Variants in TOM1L2 observed in about 807,000 individuals in gnomAD.
TOM1L2 encodes the protein TOM1-like protein 2.
A neutral mutation model predicts 67.9 loss-of-function variants in TOM1L2; 31 were observed. The ratio of observed to expected loss-of-function variants is 0.46; its 90% CI spans 0.34 to 0.62. The LOEUF (loss-of-function observed/expected upper bound fraction) is 0.62, where lower values mean the gene tolerates loss of function less well. TOM1L2 is among the 20% of genes least tolerant of loss of function. The pLI is 0.01. For synonymous variants in TOM1L2, 256 were observed against 254.0 expected (o/e 1.01, Z -0.07); for missense variants, 606 against 663.5 (o/e 0.91, Z 0.95).
intron 1 of TOM1L2, among the ~76,000 whole-genome samples, chr17:17,968,092 A>G (rs1251141566): frequency 2.0e-5 from 3 of 152,232 alleles, no homozygotes; most frequent in South Asian, 4.1e-4. Context: ...AGGCCCACGC[A>G]TAAGACAGAG....
rs368670982 is a variant in TOM1L2, at chr17:17,893,820, G to C, written c.217-10C>G. 1 of 1,612,660 alleles carries C rather than the reference G, an allele frequency of 6.2e-7. No individual in the cohort carries two copies. The highest frequency in any genetic ancestry group is 8.5e-7 in the Non-Finnish European group (1 of 1,179,290). On this transcript the variant is annotated splice_polypyrimidine_tract_variant and intron_variant, in intron 3 of 14. Transcript: ENST00000379504. ...CACATGTCTCCAGCACCTGATGTGGGGAGGGAAGGAAAAGGGTCACCCCAG... is the reference window on the plus strand; with the variant it reads ...CACATGTCTCCAGCACCTGATGTGGCGAGGGAAGGAAAAGGGTCACCCCAG...
chr17:17,872,299 C>G (rs781331390), intron 7 of TOM1L2, among the ~76,000 whole-genome samples: 3 of 152,268 alleles, frequency 2.0e-5, no homozygotes, highest in Non-Finnish European at 4.4e-5. Context: ...AGGATTCCAA[C>G]AGCCAGGACT....
chr17:17,880,811 T>C (rs2037683706), intron 6 of TOM1L2, among the ~76,000 whole-genome samples: 1 of 152,194 alleles, frequency 6.6e-6, no homozygotes, highest in South Asian at 2.1e-4. Context: ...ACTACACACA[T>C]ACGGCCCTTG....
chr17:17,889,897 T>G (rs536140827), intron 4 of TOM1L2, among the ~76,000 whole-genome samples: 1 of 152,278 alleles, frequency 6.6e-6, no homozygotes, highest in South Asian at 2.1e-4. Flanking sequence ...GATACCACGA[T>G]GGTGCAGAGA....
At chr17:17,963,685 A>G (rs2041777356) in intron 1 of TOM1L2, among the ~76,000 whole-genome samples, 1 of 152,214 alleles carries the variant, frequency 6.6e-6, no homozygotes, top group Non-Finnish European at 1.5e-5. Context: ...ACCAGTGACA[A>G]AAAGAGTGAA....
intron 1 of TOM1L2, among the ~76,000 whole-genome samples, chr17:17,942,547 G>A (rs1264749932): frequency 9.2e-5 from 14 of 152,116 alleles, no homozygotes. Context: ...GGGCCGATAT[G>A]TATGGGCCGA....
At position 17,864,895 on chromosome 17, in the gene TOM1L2, C is replaced by T. The variant is rs184916121; in HGVS notation, c.1084+1401G>A. ...TACAGAAATAGTGGCTACAAATATACGAAATATTGAGAAGCTACAATTACA... is the reference window on the plus strand; with the variant it reads ...TACAGAAATAGTGGCTACAAATATATGAAATATTGAGAAGCTACAATTACA... On this transcript the variant is annotated intron_variant, in intron 10 of 14. Coordinates refer to ENST00000379504, the MANE Select transcript of TOM1L2 (RefSeq NM_001082968.2). 6.0e-4 allele frequency among the ~76,000 whole-genome samples: 92 copies of T among 152,116 alleles called. 1 individual carries two copies. In the East Asian group the frequency reaches 0.011, roughly 18 times the overall value.
intron 1 of TOM1L2, among the ~76,000 whole-genome samples, chr17:17,925,497 C>T (rs2040044846): frequency 6.6e-6 from 1 of 151,812 alleles, no homozygotes; most frequent in African/African-American, 2.4e-5. Flanking sequence ...AAGAAAGTGG[C>T]AAACTAATGA....
intron 8 of TOM1L2, among the ~76,000 whole-genome samples, chr17:17,868,349 C>A (rs2036969526): frequency 6.6e-6 from 1 of 152,228 alleles, no homozygotes; most frequent in African/African-American, 2.4e-5. Flanking sequence ...ACAGCCATAA[C>A]AAAATCACCC....
At chr17:17,856,716 C>G (rs2036270766) in intron 12 of TOM1L2, among the ~76,000 whole-genome samples, 1 of 152,260 alleles carries the variant, frequency 6.6e-6, no homozygotes, top group Admixed American at 6.5e-5. Flanking sequence ...AGCTCAGGCT[C>G]CATCACATGT....
At chr17:17,862,448 G>A (rs1198271247) in intron 11 of TOM1L2, 13 of 305,190 alleles carry the variant, frequency 4.3e-5, no homozygotes, top group Admixed American at 1.5e-4. Flanking sequence ...AGCAGCATGG[G>A]GAGAAAAGAG....
At chr17:17,902,570 TGGGGGTA>T (rs1320209770) in intron 2 of TOM1L2, among the ~76,000 whole-genome samples, 6 of 152,092 alleles carry the variant, frequency 3.9e-5, no homozygotes, top group Non-Finnish European at 7.4e-5. Context: ...ATAGAACTGT[TGGGGGTA>T]GGGGGCGCTG....
At chr17:17,863,653 A>C (rs915084828) in intron 10 of TOM1L2, among the ~76,000 whole-genome samples, 1 of 149,510 alleles carries the variant, frequency 6.7e-6, no homozygotes, top group Non-Finnish European at 1.5e-5. Context: ...GGGCTAAGTG[A>C]TCCTCCCACC....
chr17:17,847,587 G>A lies in TOM1L2; in HGVS notation c.*48C>T, dbSNP rs766740210. The A allele has an allele frequency of 6.4e-7, 1 of 1,560,454 alleles. No homozygotes were observed. The highest frequency in any genetic ancestry group is 1.8e-5 in the Admixed American group (1 of 55,634). ...GAGTGGCCAGTGCCCGGTGTCCACG[G>A]GGTGCGAGCGGGGACCCGCCATCTG... On this transcript the variant is annotated 3_prime_UTR_variant, in exon 15 of 15. Coordinates refer to ENST00000379504, the MANE Select transcript of TOM1L2 (RefSeq NM_001082968.2).
chr17:17,871,230 C>T (rs1461472978), intron 7 of TOM1L2, among the ~76,000 whole-genome samples: 2 of 151,888 alleles, frequency 1.3e-5, no homozygotes, highest in Non-Finnish European at 2.9e-5. Context: ...ATTAGCCGGG[C>T]GTTGGTGGCG....
chr17:17,930,269 A>C (rs1293816244), intron 1 of TOM1L2, among the ~76,000 whole-genome samples: 1 of 152,174 alleles, frequency 6.6e-6, no homozygotes, highest in Non-Finnish European at 1.5e-5. Flanking sequence ...ACCAACATAC[A>C]AACTTTAGCC....
intron 14 of TOM1L2, 89 bp downstream of exon 14, chr17:17,848,734 C>G: frequency 6.8e-7 from 1 of 1,468,330 alleles, no homozygotes; most frequent in Non-Finnish European, 9.5e-7. Flanking sequence ...GCTCTGGCAG[C>G]GGGGGCTCCA....
In TOM1L2 at chr17:17,844,959, G is replaced by A. The variant is rs534582066; in HGVS notation, c.*2676C>T. On this transcript the variant is annotated 3_prime_UTR_variant, in exon 15 of 15. Coordinates refer to ENST00000379504, the MANE Select transcript of TOM1L2 (RefSeq NM_001082968.2). ...TCTAACACTCACGGAGAGGCTGGTG[G>A]GCCTTGAGAGTCCAGGTTTCCTGAC... 1 of 152,516 alleles carries A rather than the reference G, an allele frequency of 6.6e-6. No individual in the cohort carries two copies. The highest frequency in any genetic ancestry group is 1.9e-4 in the East Asian group (1 of 5,186). The allele number at this position is 152,516 out of a possible 1,614,324, so 9.4% of individuals were successfully genotyped here.
intron 4 of TOM1L2, among the ~76,000 whole-genome samples, chr17:17,892,683 G>A (rs1264716438): frequency 2.0e-5 from 3 of 149,816 alleles, no homozygotes; most frequent in African/African-American, 7.4e-5. Flanking sequence ...TCTACAACAT[G>A]TCCACAAATT....
Sources: gnomAD v4.1 joint callset for allele counts (sites outside exome capture counted in the v4.1 genomes callset) on GRCh38, gnomAD v4.1.1 for gene constraint, MANE v1.5 for transcripts, NCBI Gene and HGNC (gene_info 2026-07-23, HGNC 2026-07-21) for gene names.